The following ALPK2 variants were observed in gnomAD, a reference collection of about 807,000 sequenced individuals.
ALPK2 encodes the protein alpha-protein kinase 2.
A neutral mutation model predicts 163.1 loss-of-function variants in ALPK2; 127 were observed. The ratio of observed to expected loss-of-function variants is 0.78; its 90% CI spans 0.67 to 0.90. The LOEUF (loss-of-function observed/expected upper bound fraction) is 0.90, where lower values mean the gene tolerates loss of function less well. Among genes scored for constraint, ALPK2 ranks in the 40% least tolerant of loss-of-function variants. ALPK2 has a pLI of 0.00. For missense variants in ALPK2, 2,360 were observed against 2,589.6 expected, an observed-to-expected ratio of 0.91 and a Z score of 1.92; for synonymous variants, 953 against 959.1, an observed-to-expected ratio of 0.99 and a Z score of 0.12.
intron 3 of ALPK2, among the ~76,000 whole-genome samples, chr18:58,604,084 T>C (rs1406764155): frequency 1.3e-5 from 2 of 152,172 alleles, no homozygotes; most frequent in African/African-American, 4.8e-5. Flanking sequence ...AAAAGATTCA[T>C]AAATCGCAGG....
At chr18:58,493,761 G>A (rs926291953) in intron 12 of ALPK2, among the ~76,000 whole-genome samples, 1 of 152,120 alleles carries the variant, frequency 6.6e-6, no homozygotes, top group Non-Finnish European at 1.5e-5. Context: ...CTTAAGCCTC[G>A]TCGTTCCTTC....
chr18:58,534,743 T>G, intron 5 of ALPK2, 91 bp downstream of exon 5: 1 of 1,484,862 alleles, frequency 6.7e-7, no homozygotes, highest in Non-Finnish European at 9.0e-7. Context: ...GACACTGGCC[T>G]TAATTGCAAA....
chr18:58,579,482 TGA>T lies in ALPK2; in HGVS notation c.1292_1293del (p.Leu431HisfsTer19). ...GPSSPQTGMT[L>X]ILGPHQDGTS... is the part of the protein sequence containing the mutation. ...GTTCCATCCTGGTGAGGTCCCAAAA[TGA>T]GAGTCATCCCTGTTTGTGGGGATGA... is the stretch of plus-strand genomic sequence containing the variant. On this transcript the variant is annotated frameshift_variant, in exon 4 of 13. Coordinates refer to ENST00000361673, the MANE Select transcript of ALPK2 (RefSeq NM_052947.4). LOFTEE classifies it high-confidence loss of function. 1 of 1,614,040 alleles carries T rather than the reference TGA, an allele frequency of 6.2e-7. No individual in the cohort carries two copies. The highest frequency in any genetic ancestry group is 8.5e-7 in the Non-Finnish European group (1 of 1,179,996).
At chr18:58,558,772 C>T (rs2051807877) in intron 4 of ALPK2, among the ~76,000 whole-genome samples, 1 of 152,186 alleles carries the variant, frequency 6.6e-6, no homozygotes, top group Non-Finnish European at 1.5e-5. Flanking sequence ...TAGATTCTCC[C>T]ACATGGGTGA....
intron 4 of ALPK2, chr18:58,544,184 C>T (rs577889995): frequency 6.6e-6 from 1 of 152,166 alleles, no homozygotes; most frequent in Admixed American, 6.5e-5. Flanking sequence ...TGTTTCCAAG[C>T]CTCTTTTTGA....
Position 58,482,044 on chromosome 18 carries a change from G to A in ALPK2, c.6297-5C>T. 1.2e-6 allele frequency: 2 copies of A among 1,608,218 alleles called. No individual in the cohort carries two copies. Among genetic ancestry groups the A allele is most frequent in the Non-Finnish European group, 1.7e-6 (2 of 1,175,098 alleles). On this transcript the variant is annotated splice_polypyrimidine_tract_variant and splice_region_variant and intron_variant, in intron 12 of 12. Transcript: ENST00000361673. Reference sequence around the variant, plus strand: ...TTGCCTTTAAATCCCTTGTACCTGTGAGTTTGGGTGGAAGGAAACATAGCT... The same window carrying A: ...TTGCCTTTAAATCCCTTGTACCTGTAAGTTTGGGTGGAAGGAAACATAGCT...
Position 58,505,583 on chromosome 18 carries a change from T to C in ALPK2, c.6030-1435A>G, listed in dbSNP as rs146986018. 4.7e-3 allele frequency among the ~76,000 whole-genome samples: 719 copies of C among 152,170 alleles called. 2 individuals carry two copies. Among genetic ancestry groups the C allele is most frequent in the Middle Eastern group, 0.01 (3 of 294 alleles). ...TTCTCTCCTCCATCAATATTCCCTCTACAGAATCATTCCCAAGAGCCTAGC... is the reference window on the plus strand; with the variant it reads ...TTCTCTCCTCCATCAATATTCCCTCCACAGAATCATTCCCAAGAGCCTAGC... On this transcript the variant is annotated intron_variant, in intron 10 of 12. Coordinates refer to ENST00000361673, the MANE Select transcript of ALPK2 (RefSeq NM_052947.4).
intron 3 of ALPK2, chr18:58,600,556 G>A (rs943109709): frequency 1.3e-5 from 2 of 152,198 alleles, no homozygotes; most frequent in African/African-American, 4.8e-5. Flanking sequence ...TGTACCCCAC[G>A]GCTCCTAGGG....
At chr18:58,611,026 G>A (rs1401349602) in intron 2 of ALPK2, among the ~76,000 whole-genome samples, 3 of 151,486 alleles carry the variant, frequency 2.0e-5, no homozygotes, top group East Asian at 1.9e-4. Flanking sequence ...ACCAAGAGGC[G>A]GAGGTTGCAG....
chr18:58,601,654 C>T (rs551226448), intron 3 of ALPK2, among the ~76,000 whole-genome samples: 5 of 152,228 alleles, frequency 3.3e-5, no homozygotes, highest in East Asian at 1.9e-4. Flanking sequence ...GAGAGCAAGG[C>T]GGGCTAGCCA....
intron 4 of ALPK2, among the ~76,000 whole-genome samples, chr18:58,540,757 A>G (rs1370633936): frequency 6.6e-6 from 1 of 152,228 alleles, no homozygotes; most frequent in Non-Finnish European, 1.5e-5. Context: ...TTATCACAGT[A>G]TCATCAGTGT....
Position 58,573,270 on chromosome 18 carries a change from A to ATG in ALPK2, c.1962+5543_1962+5544insCA, listed in dbSNP as rs1471467362. ...TGTATATATGTATATATGTGTATAT[A>ATG]TATGTATATATGTGTATATATGTAT... On this transcript the variant is annotated intron_variant, in intron 4 of 12. Transcript: ENST00000361673. Among the ~76,000 whole-genome samples the ATG allele has an allele frequency of 3.2e-4, 47 of 147,548 alleles. 1 individual carries two copies. The highest frequency in any genetic ancestry group is 4.3e-4 in the Non-Finnish European group (29 of 67,172).
chr18:58,567,235 A>G (rs9646616), intron 4 of ALPK2, among the ~76,000 whole-genome samples: 17,838 of 151,504 alleles, frequency 0.12, 1,126 homozygotes, highest in East Asian at 0.18. Context: ...AAAAAAAAAA[A>G]AGGCCGGGCG....
intron 12 of ALPK2, among the ~76,000 whole-genome samples, chr18:58,483,310 T>A (rs1010045052): frequency 1.3e-5 from 2 of 152,134 alleles, no homozygotes; most frequent in Non-Finnish European, 2.9e-5. Context: ...CTACAAAACA[T>A]AAGTCATATC....
In ALPK2 at chr18:58,504,035, A is replaced by G; in HGVS notation, c.6143T>C (p.Ile2048Thr). The change falls in exon 11 of 13, where the codon ATA (isoleucine) becomes ACA (threonine). Residue 2048 changes from isoleucine to threonine, a missense_variant. By Grantham distance (89) the Ile-to-Thr change is moderately conservative. Coordinates refer to ENST00000361673, the MANE Select transcript of ALPK2 (RefSeq NM_052947.4). ...TTCTGATTCTCTTCTCAAGAAGTTT[A>G]TTTCTTTCCCATCCCTGATGGAATA... ...VKYSIRDGKE[I>T]NFLRRESEAG... The G allele has an allele frequency of 6.2e-7, 1 of 1,614,138 alleles. No individual in the cohort carries two copies. Among genetic ancestry groups the G allele is most frequent in the East Asian group, 2.2e-5 (1 of 44,878 alleles).
At chr18:58,528,625 C>CTGGG (rs1243544063) in intron 6 of ALPK2, 1 of 164,842 alleles carries the variant, frequency 6.1e-6, no homozygotes, top group East Asian at 1.8e-4. Flanking sequence ...ATAGCTGTTA[C>CTGGG]TTTTCTGTAA....
At chr18:58,531,211 A>C in intron 5 of ALPK2, among the ~76,000 whole-genome samples, 1 of 152,062 alleles carries the variant, frequency 6.6e-6, no homozygotes, top group East Asian at 1.9e-4. Context: ...AATAATAATA[A>C]TTTTTTAAAA....
Position 58,613,042 on chromosome 18 carries a change from C to T in ALPK2, c.-20-1225G>A, listed in dbSNP as rs1192216223. ...AGGAGAGGCCAAATTAAAGCAGCCA[C>T]AGCTGTATTGCCAAAGGGACACCCC... On this transcript the variant is annotated intron_variant, in intron 1 of 12. Transcript: ENST00000361673. Among the ~76,000 whole-genome samples, 3 of 152,336 alleles carry T rather than the reference C, an allele frequency of 2.0e-5. No homozygotes were observed. The East Asian group carries it at 5.8e-4, about 29-fold the overall frequency.
Position 58,535,192 on chromosome 18 carries a change from G to C in ALPK2, c.4995C>G (p.Ala1665=), listed in dbSNP as rs931302917. 2 of 1,613,884 alleles carry C rather than the reference G, an allele frequency of 1.2e-6. No homozygotes were observed. The highest frequency in any genetic ancestry group is 1.7e-6 in the Non-Finnish European group (2 of 1,180,006). ...GACATGGATCCTGCAGTAATTTAGG[G>C]GCTTTCTCTAACTCACGTTCTCCTG... The part of the protein sequence containing the change: ...FISGERELEK[A]PKLLQDPCQK... The change falls in exon 5 of 13, where the codon GCC becomes GCG. Residue 1665 remains alanine (A), a synonymous_variant. Coordinates refer to ENST00000361673, the MANE Select transcript of ALPK2 (RefSeq NM_052947.4).
Sources: gnomAD v4.1 joint callset for allele counts (sites outside exome capture counted in the v4.1 genomes callset) on GRCh38, gnomAD v4.1.1 for gene constraint, MANE v1.5 for transcripts, NCBI Gene and HGNC (gene_info 2026-07-23, HGNC 2026-07-21) for gene names.